Variants in DGKD observed in about 807,000 individuals in gnomAD.
DGKD encodes diacylglycerol kinase delta, also known as DAG kinase delta.
In DGKD, 68 loss-of-function variants were observed where a neutral mutation model predicts 154.4. That is an observed-to-expected ratio of 0.44 (90% CI 0.36 to 0.54). The LOEUF is 0.54. DGKD is among the 20% of genes least tolerant of loss of function. The pLI is 0.00. For missense variants in DGKD, 1,343 were observed against 1,593.6 expected (o/e 0.84, Z 2.68); for synonymous variants, 693 against 638.0 (o/e 1.09, Z -1.30).
At chr2:233,426,199 A>G (rs1255551213) in intron 3 of DGKD, among the ~76,000 whole-genome samples, 1 of 152,150 alleles carries the variant, frequency 6.6e-6, no homozygotes, top group Non-Finnish European at 1.5e-5. Context: ...TTCATATTTC[A>G]TATTCATATT....
chr2:233,420,996 C>G (rs139778194), intron 3 of DGKD, among the ~76,000 whole-genome samples: 1 of 152,122 alleles, frequency 6.6e-6, no homozygotes, highest in Non-Finnish European at 1.5e-5. Flanking sequence ...GACTGGTGAT[C>G]GTCAAATTAC....
chr2:233,447,540 A>T, intron 12 of DGKD: 1 of 984,796 alleles, frequency 1.0e-6, no homozygotes, highest in Non-Finnish European at 1.2e-6. Flanking sequence ...TTTTTTTGAG[A>T]GGAAGAGTGT....
At chr2:233,409,120 T>A (rs541334629) in intron 3 of DGKD, 1 of 152,224 alleles carries the variant, frequency 6.6e-6, no homozygotes, top group Non-Finnish European at 1.5e-5. Flanking sequence ...CAGTTACTCG[T>A]CTGGGCTGTT....
At chr2:233,359,350 A>G (rs538856645) in intron 1 of DGKD, among the ~76,000 whole-genome samples, 6 of 152,328 alleles carry the variant, frequency 3.9e-5, no homozygotes, top group African/African-American at 1.4e-4. Context: ...AATAGAAATA[A>G]CAGTTGTTAT....
At chr2:233,469,277 C>A in intron 29 of DGKD, 94 bp from the exon 30 acceptor site, 2 of 1,091,182 alleles carry the variant, frequency 1.8e-6, no homozygotes, top group East Asian at 2.6e-5. Flanking sequence ...TGTTCACAAG[C>A]CGAATGGGAA....
intron 3 of DGKD, among the ~76,000 whole-genome samples, chr2:233,410,482 G>T (rs2061800526): frequency 6.6e-6 from 1 of 152,084 alleles, no homozygotes; most frequent in Non-Finnish European, 1.5e-5. Context: ...GATACCTTGG[G>T]GTGATATCTA....
At chr2:233,373,473 A>T (rs1702423882) in intron 1 of DGKD, among the ~76,000 whole-genome samples, 1 of 152,224 alleles carries the variant, frequency 6.6e-6, no homozygotes. Flanking sequence ...TCCTAATGGT[A>T]AGAGGGGCTG....
intron 1 of DGKD, among the ~76,000 whole-genome samples, chr2:233,377,014 ATCT>A (rs1045808102): frequency 3.3e-5 from 5 of 149,822 alleles, no homozygotes; most frequent in Non-Finnish European, 7.4e-5. Flanking sequence ...AACTAAGTTT[ATCT>A]TCTTCACACA....
intron 1 of DGKD, among the ~76,000 whole-genome samples, chr2:233,355,259 G>A (rs1026145007): frequency 6.6e-6 from 1 of 152,198 alleles, no homozygotes; most frequent in Non-Finnish European, 1.5e-5. Context: ...CAGCAAAGCC[G>A]GGACCGCGCA....
rs948124244 is a variant in DGKD, at chr2:233,445,374, G to T, written c.1195-249G>T. ...GATGACAGCTGAGAGATGGACCTGT[G>T]GCTCATCCATTTCTCCCAGAAGCAG... On this transcript the variant is annotated intron_variant, in intron 10 of 29. Transcript: ENST00000264057. The surrounding 1 kb of genome is among the most constrained non-coding windows in gnomAD (Gnocchi z 5.5). Among the ~76,000 whole-genome samples the T allele has an allele frequency of 1.3e-5, 2 of 152,102 alleles. No individual in the cohort carries two copies. The highest frequency in any genetic ancestry group is 2.9e-5 in the Non-Finnish European group (2 of 68,008).
rs1450265616 is a variant in DGKD, at chr2:233,448,173, C to T, written c.1506C>T (p.Ser502=). The change falls in exon 13 of 30, where the codon TCC becomes TCT. Residue 502 remains serine (S), a synonymous_variant. Coordinates refer to ENST00000264057, the MANE Select transcript of DGKD (RefSeq NM_152879.3). ...LTSDQHSVVI[S]SAKVLCETVK... is the part of the protein sequence containing the mutation. ...CGGACCAGCACTCGGTGGTCATCTC[C>T]TCGGCCAAGTGAGTGCCTGGTGGCC... 1 of 1,613,998 alleles carries T rather than the reference C, an allele frequency of 6.2e-7. No homozygotes were observed. The highest frequency in any genetic ancestry group is 1.7e-5 in the Admixed American group (1 of 59,996).
At chr2:233,374,371 G>A (rs544290349) in intron 1 of DGKD, among the ~76,000 whole-genome samples, 8 of 140,664 alleles carry the variant, frequency 5.7e-5, no homozygotes, top group African/African-American at 2.1e-4. Context: ...GTCTCGCCCT[G>A]TCACCCAGGC....
In DGKD at chr2:233,400,654, GGGT is replaced by G. The variant is rs149052781; in HGVS notation, c.348+10177_348+10179del. Among the ~76,000 whole-genome samples the G allele has an allele frequency of 6.1e-3, 936 of 152,326 alleles. 8 individuals carry two copies. Among genetic ancestry groups the G allele is most frequent in the African/African-American group, 0.021 (876 of 41,560 alleles). On this transcript the variant is annotated intron_variant, in intron 3 of 29. Coordinates refer to ENST00000264057, the MANE Select transcript of DGKD (RefSeq NM_152879.3). Reference sequence around the variant, plus strand: ...GAAGCACACATTTGACTCCCTCAGTGGGTGGTGGAGTGTGCAGACCTGAGCTCC... The same window carrying G: ...GAAGCACACATTTGACTCCCTCAGTGGGTGGAGTGTGCAGACCTGAGCTCC...
Position 233,457,073 on chromosome 2 carries a change from T to G in DGKD, c.2472+78T>G. 7.2e-7 allele frequency: 1 copy of G among 1,386,462 alleles called. No individual in the cohort carries two copies. Among genetic ancestry groups the G allele is most frequent in the Non-Finnish European group, 1.0e-6 (1 of 974,254 alleles). The allele number at this position is 1,386,462 out of a possible 1,614,324, so 85.9% of individuals were successfully genotyped here. Reference sequence around the variant, plus strand: ...CTGCCAGGCCTATTGCTTCTCCTGTTGACCATTTCCTCCATGCACAGGGAC... The same window carrying G: ...CTGCCAGGCCTATTGCTTCTCCTGTGGACCATTTCCTCCATGCACAGGGAC... On this transcript the variant is annotated intron_variant, in intron 20 of 29. Transcript: ENST00000264057. The surrounding 1 kb of genome is among the most constrained non-coding windows in gnomAD (Gnocchi z 5.5).
Position 233,354,537 on chromosome 2 carries a change from G to T in DGKD, c.19G>T (p.Ala7Ser). 1 of 993,256 alleles carries T rather than the reference G, an allele frequency of 1.0e-6. No homozygotes were observed. Among genetic ancestry groups the T allele is most frequent in the Non-Finnish European group, 1.2e-6 (1 of 837,156 alleles). The allele number at this position is 993,256 out of a possible 1,614,324, so 61.5% of individuals were successfully genotyped here. Residue 7 changes from alanine to serine, a missense_variant, in exon 1 of 30, where the codon GCC becomes TCC. Around this residue, in one of 6 missense-constraint regions of DGKD, gnomAD observed 57 missense variants for 27.8 expected, o/e 2.05. Coordinates refer to ENST00000264057, the MANE Select transcript of DGKD (RefSeq NM_152879.3). This position sits in a 1 kb window ranked among gnomAD's most constrained non-coding sequence, Gnocchi z 4.8. ...CGGCAGCATGGCGGCGGCGGCGGGC[G>T]CCCCTCCGCCGGGTCCCCCGCAACC... is the stretch of plus-strand genomic sequence containing the variant. MAAAAG[A>S]PPPGPPQPPP...
Position 233,370,569 on chromosome 2 carries a change from TC to T in DGKD, c.156+15896del, listed in dbSNP as rs1421468758. The stretch of plus-strand genomic sequence containing the variant: ...TTACGTTGTACGTTTCAGAACTTCT[TC>T]TTTTTTTTTTTTTTTTTTTGTTTGA... On this transcript the variant is annotated intron_variant, in intron 1 of 29. Transcript: ENST00000264057. 6.4e-3 allele frequency among the ~76,000 whole-genome samples: 763 copies of T among 118,320 alleles called. 10 individuals are homozygous for T. Among genetic ancestry groups the T allele is most frequent in the African/African-American group, 0.017 (565 of 32,480 alleles). 77.6% of individuals were successfully genotyped at this position (118,320 alleles called of 152,430 possible). A position where few individuals can be genotyped will look rare whatever the true frequency, so the allele number is the denominator to read the frequency against.
At position 233,438,426 on chromosome 2, in the gene DGKD, G is replaced by T; in HGVS notation, c.1085+47G>T. 3 of 1,550,434 alleles carry T rather than the reference G, an allele frequency of 1.9e-6. No homozygotes were observed. The highest frequency in any genetic ancestry group is 4.5e-5 in the East Asian group (2 of 43,964). On this transcript the variant is annotated intron_variant, in intron 9 of 29. Coordinates refer to ENST00000264057, the MANE Select transcript of DGKD (RefSeq NM_152879.3). The surrounding 1 kb of genome is among the most constrained non-coding windows in gnomAD (Gnocchi z 4.1). The stretch of plus-strand genomic sequence containing the variant: ...TCTTTCTTGGAGTTTTAAAAATTGT[G>T]TAGATAGTGTGTGCTTGTTAAAAAA...
intron 1 of DGKD, among the ~76,000 whole-genome samples, chr2:233,360,252 A>G (rs1156601039): frequency 6.6e-6 from 1 of 152,034 alleles, no homozygotes; most frequent in Admixed American, 6.5e-5. Context: ...TTAGTTAAAT[A>G]TCTTTAAAAA....
chr2:233,399,945 G>A (rs1165951802), intron 3 of DGKD, among the ~76,000 whole-genome samples: 1 of 152,066 alleles, frequency 6.6e-6, no homozygotes, highest in East Asian at 1.9e-4. Context: ...GTGACTCTGA[G>A]AATTAAATAT....
Sources: gnomAD v4.1 joint callset for allele counts (sites outside exome capture counted in the v4.1 genomes callset) on GRCh38, gnomAD v4.1.1 for gene constraint, gnomAD v4.1.1 regional missense constraint, Gnocchi (gnomAD v3.1) non-coding constraint, MANE v1.5 for transcripts, NCBI Gene and HGNC (gene_info 2026-07-23, HGNC 2026-07-21) for gene names.